LARP1B: variants seen among roughly 807,000 people sequenced by gnomAD.
The protein encoded by LARP1B is la-related protein 1B.
LARP1B carries 76 observed loss-of-function variants against 114.2 expected under a neutral mutation model. That is an observed-to-expected ratio of 0.67 (90% CI 0.55 to 0.81). LARP1B has a LOEUF of 0.81. Among genes scored for constraint, LARP1B ranks in the 30% least tolerant of loss-of-function variants. The pLI is 0.00. For missense variants in LARP1B, 1,014 were observed against 1,075.8 expected (o/e 0.94, Z 0.80); for synonymous variants, 345 against 348.0 (o/e 0.99, Z 0.10).
At chr4:128,222,422 T>C (rs1195930928) in exon 8 of LARP1B, 1 of 456,636 alleles carries the variant, frequency 2.2e-6, no homozygotes, top group Non-Finnish European at 4.4e-6. Context: ...TCTGCCTTCC[T>C]GTGACCTCTC....
chr4:128,107,227 C>G lies in LARP1B; in HGVS notation c.902C>G (p.Pro301Arg), dbSNP rs183387342. ...GAAAAATGGCCAATTCCAGGCCCTC[C>G]TCCACGCAGTGTGCCACCAACAGAC... ...EPEKWPIPGPPPRSVPPTDFS... is the reference protein window; with the variant it reads ...EPEKWPIPGPRPRSVPPTDFS... Residue 301 changes from proline (P) to arginine (R), a missense_variant, in exon 9 of 20, where the codon CCT becomes CGT. Coordinates refer to ENST00000326639, the MANE Select transcript of LARP1B (RefSeq NM_018078.4). 6.2e-7 allele frequency: 1 copy of G among 1,613,918 alleles called. No homozygotes were observed. Among genetic ancestry groups the G allele is most frequent in the Non-Finnish European group, 8.5e-7 (1 of 1,179,946 alleles).
intron 8 of LARP1B, among the ~76,000 whole-genome samples, chr4:128,105,077 G>GT (rs11407647): frequency 0.58 from 86,912 of 148,926 alleles, 25,884 homozygotes; most frequent in Middle Eastern, 0.8. Context: ...TTTTTTTTTT[G>GT]TTTTTTTTTT....
chr4:128,067,966 C>T (rs1380070889), intron 1 of LARP1B, among the ~76,000 whole-genome samples: 3 of 152,128 alleles, frequency 2.0e-5, no homozygotes, highest in Non-Finnish European at 2.9e-5. Flanking sequence ...CTGCAAGCTC[C>T]GCCTCCCGGG....
chr4:128,105,761 G>A (rs1319224507), intron 8 of LARP1B, among the ~76,000 whole-genome samples: 2 of 152,020 alleles, frequency 1.3e-5, no homozygotes, highest in Non-Finnish European at 1.5e-5. Flanking sequence ...GTGTGGTAGT[G>A]GGTGCCTGTA....
intron 15 of LARP1B, among the ~76,000 whole-genome samples, chr4:128,195,488 G>A (rs1329192693): frequency 6.6e-6 from 1 of 152,100 alleles, no homozygotes; most frequent in Non-Finnish European, 1.5e-5. Context: ...TTTAATGATA[G>A]CTACCACTTT....
intron 15 of LARP1B, among the ~76,000 whole-genome samples, chr4:128,187,697 G>A (rs925614782): frequency 6.6e-6 from 1 of 152,158 alleles, no homozygotes; most frequent in African/African-American, 2.4e-5. Flanking sequence ...ATTTGGCAGG[G>A]GCCAGGGTAG....
intron 11 of LARP1B, among the ~76,000 whole-genome samples, chr4:128,153,339 C>G (rs984492615): frequency 2.1e-5 from 3 of 145,570 alleles, no homozygotes; most frequent in African/African-American, 7.7e-5. Context: ...ATTTATGAGA[C>G]AGACTCTCAG....
intron 15 of LARP1B, among the ~76,000 whole-genome samples, chr4:128,183,575 A>G (rs1486915294): frequency 6.6e-6 from 1 of 152,232 alleles, no homozygotes. Context: ...ATGAATATAT[A>G]CAAGGAGATT....
chr4:128,061,693 G>A, intron 1 of LARP1B: 1 of 984,836 alleles, frequency 1.0e-6, no homozygotes, highest in Non-Finnish European at 1.2e-6. Context: ...GCAGAGGGAC[G>A]ATGTCTACTC....
intron 6 of LARP1B, among the ~76,000 whole-genome samples, chr4:128,218,241 T>C (rs1341449534): frequency 1.4e-5 from 1 of 69,562 alleles, no homozygotes; most frequent in African/African-American, 5.5e-5. Context: ...ACAGATTCAA[T>C]GCCATCCCCA....
chr4:128,072,080 A>G (rs970670387), intron 1 of LARP1B, among the ~76,000 whole-genome samples: 2 of 151,712 alleles, frequency 1.3e-5, no homozygotes, highest in Admixed American at 6.6e-5. Flanking sequence ...GCTCACTGCA[A>G]CCTCTACCTC....
intron 8 of LARP1B, among the ~76,000 whole-genome samples, chr4:128,101,631 A>G (rs940932440): frequency 7.0e-6 from 1 of 143,078 alleles, no homozygotes; most frequent in African/African-American, 2.6e-5. Flanking sequence ...GAGTTTATTT[A>G]TTTACTTATT....
At chr4:128,216,726 T>A (rs1759512521), downstream of LARP1B, among the ~76,000 whole-genome samples, 1 of 150,914 alleles carries the variant, frequency 6.6e-6, no homozygotes, top group South Asian at 2.1e-4. Flanking sequence ...AACATCACAA[T>A]TAAAAGAACT....
intron 15 of LARP1B, among the ~76,000 whole-genome samples, chr4:128,185,456 C>T (rs1473160895): frequency 6.6e-6 from 1 of 150,680 alleles, no homozygotes; most frequent in East Asian, 1.9e-4. Context: ...TAAAATATAC[C>T]TGTTGTCCAG....
At chr4:128,114,849 A>T in intron 10 of LARP1B, 107 bp downstream of exon 10, 3 of 936,444 alleles carry the variant, frequency 3.2e-6, no homozygotes, top group Admixed American at 2.4e-5. Flanking sequence ...AAAGTTTAGC[A>T]CAATTTTAAC....
At chr4:128,173,256 A>T (rs1221573892) in intron 12 of LARP1B, among the ~76,000 whole-genome samples, 1 of 152,166 alleles carries the variant, frequency 6.6e-6, no homozygotes, top group African/African-American at 2.4e-5. Flanking sequence ...GGTCATTTAC[A>T]TATGGCCTCT....
chr4:128,166,287 TATTC>T (rs1028819845), intron 12 of LARP1B, among the ~76,000 whole-genome samples: 1 of 151,938 alleles, frequency 6.6e-6, no homozygotes, highest in Non-Finnish European at 1.5e-5. Context: ...TGGAAAGTTA[TATTC>T]ATATATATTT....
At chr4:128,096,130 A>C (rs1189942200) in intron 7 of LARP1B, among the ~76,000 whole-genome samples, 1 of 151,724 alleles carries the variant, frequency 6.6e-6, no homozygotes, top group Non-Finnish European at 1.5e-5. Context: ...CGTAGCTGGC[A>C]CTACAGGCGC....
chr4:128,166,580 G>T (rs909436359), intron 12 of LARP1B, among the ~76,000 whole-genome samples: 3 of 151,268 alleles, frequency 2.0e-5, no homozygotes, highest in Admixed American at 2.0e-4. Flanking sequence ...TTTTTTTGTG[G>T]CAAGAGCACC....
Sources: gnomAD v4.1 joint callset for allele counts (sites outside exome capture counted in the v4.1 genomes callset) on GRCh38, gnomAD v4.1.1 for gene constraint, MANE v1.5 for transcripts, NCBI Gene and HGNC (gene_info 2026-07-23, HGNC 2026-07-21) for gene names.